IFT70A: variants seen among roughly 807,000 people sequenced by gnomAD.
IFT70A encodes the protein intraflagellar transport 70A, also known as intraflagellar transport protein 70A.
the IFT70A span, chr2:177,617,697 A>C: frequency 6.2e-7 from 1 of 1,614,218 alleles, no homozygotes; most frequent in East Asian, 2.2e-5. Context: ...CCAGGTCAAA[A>C]TACTCATATT....
the IFT70A span, chr2:177,618,336 G>A: frequency 7.4e-6 from 12 of 1,613,874 alleles, no homozygotes; most frequent in South Asian, 9.9e-5. Flanking sequence ...CGCTATACTT[G>A]ATGGCAGCTT....
chr2:177,616,734 C>G, the IFT70A span: 22 of 1,538,726 alleles, frequency 1.4e-5, no homozygotes, highest in Non-Finnish European at 1.6e-5. Context: ...TCTCATAAAT[C>G]AAAGCTTTCA....
chr2:177,617,571 A>C, the IFT70A span: 2 of 1,614,210 alleles, frequency 1.2e-6, no homozygotes, highest in Non-Finnish European at 1.7e-6. Context: ...CATCAAGCTT[A>C]ATGAAAGCCT....
the IFT70A span, chr2:177,618,671 C>G: frequency 1.3e-6 from 2 of 1,595,294 alleles, no homozygotes; most frequent in Non-Finnish European, 1.7e-6. Context: ...AACTCCCCGT[C>G]GGGGATCTGC....
the IFT70A span, chr2:177,617,896 A>G: frequency 1.3e-5 from 21 of 1,613,894 alleles, 1 homozygote; most frequent in South Asian, 1.1e-4. Flanking sequence ...TTCTTGAGCT[A>G]CCTCATAGTT....
the IFT70A span, chr2:177,614,471 C>G: frequency 5.9e-5 from 9 of 152,270 alleles, no homozygotes; most frequent in East Asian, 1.5e-3. Flanking sequence ...TTACATAGAT[C>G]TAGTACTTTT....
At chr2:177,618,719 T>G in the IFT70A span, 3 of 1,527,880 alleles carry the variant, frequency 2.0e-6, no homozygotes, top group East Asian at 4.6e-5. Flanking sequence ...ACGGCTGTTA[T>G]GCGTGCGGTT....
At chr2:177,616,646 T>C in the IFT70A span, 1 of 1,389,846 alleles carries the variant, frequency 7.2e-7, no homozygotes, top group Non-Finnish European at 9.6e-7. Context: ...TAAATACAGA[T>C]AAAAAAAAGT....
the IFT70A span, chr2:177,613,715 T>C: frequency 6.6e-6 from 1 of 152,146 alleles, no homozygotes. Context: ...TAATTGAAAA[T>C]AAAATATTAG....
chr2:177,617,725 A>G, the IFT70A span: 1 of 1,614,234 alleles, frequency 6.2e-7, no homozygotes, highest in Non-Finnish European at 8.5e-7. Context: ...GAGCAGCAAC[A>G]GGTTGCCAAA....
chr2:177,618,618 G>T, the IFT70A span: 1 of 1,609,072 alleles, frequency 6.2e-7, no homozygotes, highest in Non-Finnish European at 8.5e-7. Flanking sequence ...GCACCGCCTC[G>T]GCGTAGCGGG....
the IFT70A span, chr2:177,616,578 A>C: frequency 1.1e-6 from 1 of 914,484 alleles, no homozygotes; most frequent in South Asian, 2.4e-5. Flanking sequence ...TCAAACATAA[A>C]CTTGTTCTTA....
At chr2:177,618,420 A>C in the IFT70A span, 3 of 1,612,098 alleles carry the variant, frequency 1.9e-6, no homozygotes, top group Non-Finnish European at 2.5e-6. Context: ...CCTCCGGATA[A>C]AGGCAGGCCT....
chr2:177,616,811 C>T, the IFT70A span: 3 of 1,600,750 alleles, frequency 1.9e-6, no homozygotes, highest in Non-Finnish European at 2.6e-6. Flanking sequence ...AGGGGTTGTT[C>T]AATAACAGCA....
At chr2:177,618,384 C>A in the IFT70A span, 16 of 1,613,332 alleles carry the variant, frequency 9.9e-6, no homozygotes, top group African/African-American at 2.0e-4. Flanking sequence ...CGGGGTTATC[C>A]AGGAGAAGGA....
chr2:177,616,636 T>C, the IFT70A span: 1 of 1,345,908 alleles, frequency 7.4e-7, no homozygotes, highest in East Asian at 2.4e-5. Context: ...ATGCCAAGGC[T>C]AAATACAGAT....
the IFT70A span, chr2:177,618,002 A>T: frequency 1.5e-5 from 24 of 1,614,068 alleles, no homozygotes; most frequent in Admixed American, 6.7e-5. Context: ...CGAACATCAA[A>T]GCCCTCGGTG....
chr2:177,617,528 T>C, the IFT70A span: 10 of 1,614,114 alleles, frequency 6.2e-6, no homozygotes, highest in Non-Finnish European at 8.5e-6. Flanking sequence ...TTGGTGAGTC[T>C]CCGAAGCTGC....
chr2:177,614,264 T>A, the IFT70A span: 2 of 152,212 alleles, frequency 1.3e-5, no homozygotes, highest in South Asian at 4.1e-4. Context: ...TATTTTTCAA[T>A]ATAAAATGAT....
Sources: gnomAD v4.1 joint callset for allele counts on GRCh38, gnomAD v4.1.1 for gene constraint, MANE v1.5 for transcripts, NCBI Gene and HGNC (gene_info 2026-07-23, HGNC 2026-07-21) for gene names.